LRRC69: variants seen among roughly 807,000 people sequenced by gnomAD.
LRRC69 encodes the protein leucine-rich repeat-containing protein 69.
Under a neutral mutation model 37.8 loss-of-function variants are expected in LRRC69, and 42 were observed. The observed-to-expected ratio is 1.11, with a 90% CI of 0.87 to 1.44. LRRC69 has a LOEUF of 1.44. Ranked by LOEUF, LRRC69 falls within the 40% of genes most tolerant of loss-of-function variation. LRRC69 has a pLI of 0.00. For missense variants in LRRC69, 357 were observed against 401.9 expected, an observed-to-expected ratio of 0.89 and a Z score of 0.96; for synonymous variants, 141 against 143.1, an observed-to-expected ratio of 0.99 and a Z score of 0.11.
intron 7 of LRRC69, among the ~76,000 whole-genome samples, chr8:91,202,673 A>G (rs1809732046): frequency 6.6e-6 from 1 of 152,222 alleles, no homozygotes; most frequent in Non-Finnish European, 1.5e-5. Context: ...TTAATTGACT[A>G]GGAGAGTTGA....
At chr8:91,160,601 C>T (rs1184073800) in intron 5 of LRRC69, among the ~76,000 whole-genome samples, 2 of 151,118 alleles carry the variant, frequency 1.3e-5, no homozygotes, top group Non-Finnish European at 3.0e-5. Context: ...CAGCACTTCC[C>T]CCTTCTCTCT....
At chr8:91,178,031 G>A (rs922104408) in intron 5 of LRRC69, among the ~76,000 whole-genome samples, 1 of 151,852 alleles carries the variant, frequency 6.6e-6, no homozygotes, top group Non-Finnish European at 1.5e-5. Flanking sequence ...TGTGTTTTTA[G>A]TAGAGACGGG....
At chr8:91,197,416 C>G (rs4273818) in intron 6 of LRRC69, among the ~76,000 whole-genome samples, 104,200 of 152,052 alleles carry the variant, frequency 0.69, 36,224 homozygotes, top group African/African-American at 0.76. Flanking sequence ...TCAAGCCTGG[C>G]CAATGGCGGG....
chr8:91,179,191 C>T (rs916954397), intron 5 of LRRC69, among the ~76,000 whole-genome samples: 8 of 152,062 alleles, frequency 5.3e-5, no homozygotes, highest in African/African-American at 1.4e-4. Flanking sequence ...TAAAGAAAAG[C>T]GGTTTTATTG....
At chr8:91,202,076 G>A (rs144403159) in intron 7 of LRRC69, among the ~76,000 whole-genome samples, 6 of 152,050 alleles carry the variant, frequency 3.9e-5, no homozygotes, top group Non-Finnish European at 8.8e-5. Flanking sequence ...TGTGGTGATG[G>A]GCGCCTGTAA....
rs374399862 is a variant in LRRC69, at chr8:91,103,953, C to CA, written c.183+1114dup. Among the ~76,000 whole-genome samples, 668 of 152,030 alleles carry CA rather than the reference C, an allele frequency of 4.4e-3. 5 individuals carry two copies. Among genetic ancestry groups the CA allele is most frequent in the Admixed American group, 7.5e-3 (115 of 15,262 alleles). ...ATTGGTTACCGAGAATTAAATATTA[C>CA]AAAAAGCTTATAGCAAGAAGCTATC... On this transcript the variant is annotated intron_variant, in intron 1 of 7. Coordinates refer to ENST00000448384, the Ensembl canonical transcript of LRRC69.
chr8:91,118,146 G>C (rs1813546738), intron 1 of LRRC69: 6 of 455,340 alleles, frequency 1.3e-5, no homozygotes, highest in South Asian at 9.3e-5. Flanking sequence ...ATTACTGGGT[G>C]TGCTCATGGG....
At chr8:91,192,714 T>C (rs1809521719) in intron 6 of LRRC69, among the ~76,000 whole-genome samples, 1 of 152,088 alleles carries the variant, frequency 6.6e-6, no homozygotes, top group African/African-American at 2.4e-5. Flanking sequence ...TCTTGTAAAT[T>C]TGTTTGAGTT....
At chr8:91,158,012 G>A (rs1808867236) in intron 5 of LRRC69, 1 of 1,319,512 alleles carries the variant, frequency 7.6e-7, no homozygotes, top group South Asian at 1.2e-5. Flanking sequence ...ACAACTTCAT[G>A]CAGATGTTGG....
chr8:91,155,201 G>T (rs1187998591), intron 5 of LRRC69, among the ~76,000 whole-genome samples: 1 of 149,246 alleles, frequency 6.7e-6, no homozygotes, highest in Admixed American at 6.7e-5. Context: ...AGAACCATTT[G>T]TCTATTATTT....
At chr8:91,152,258 G>T (rs1262005576) in intron 5 of LRRC69, among the ~76,000 whole-genome samples, 1 of 151,366 alleles carries the variant, frequency 6.6e-6, no homozygotes, top group African/African-American at 2.4e-5. Context: ...GGGTTTTTAT[G>T]GTTTTTGGTT....
intron 6 of LRRC69, among the ~76,000 whole-genome samples, chr8:91,196,762 G>C (rs911359317): frequency 6.6e-6 from 1 of 150,870 alleles, no homozygotes; most frequent in African/African-American, 2.4e-5. Context: ...TTTTTTCAAA[G>C]TTTTCAACTT....
chr8:91,131,701 T>A (rs10102397), intron 3 of LRRC69, among the ~76,000 whole-genome samples: 7,733 of 152,084 alleles, frequency 0.051, 247 homozygotes, highest in African/African-American at 0.075. Context: ...ATAGATTTTT[T>A]AAATATTGAC....
At chr8:91,199,466 G>A (rs574784825) in intron 6 of LRRC69, among the ~76,000 whole-genome samples, 1 of 152,172 alleles carries the variant, frequency 6.6e-6, no homozygotes, top group Admixed American at 6.5e-5. Flanking sequence ...AATGGACACA[G>A]CAATTTATAA....
intron 5 of LRRC69, among the ~76,000 whole-genome samples, chr8:91,180,363 G>A (rs867947603): frequency 9.2e-5 from 14 of 152,184 alleles, no homozygotes; most frequent in African/African-American, 3.4e-4. Flanking sequence ...TCTCAACAGA[G>A]CTACCTGAAT....
chr8:91,189,303 C>T (rs1048312012), intron 5 of LRRC69, among the ~76,000 whole-genome samples: 2 of 152,126 alleles, frequency 1.3e-5, no homozygotes, highest in African/African-American at 4.8e-5. Context: ...AAGGTCATGG[C>T]CATTCATGCC....
rs1280194634 is a variant in LRRC69 at position 91,200,612 on chromosome 8, G to T, written c.754-1G>T. 2 of 1,425,850 alleles carry T rather than the reference G, an allele frequency of 1.4e-6. No homozygotes were observed. Among genetic ancestry groups the T allele is most frequent in the Non-Finnish European group, 1.8e-6 (2 of 1,088,020 alleles). The allele number at this position is 1,425,850 out of a possible 1,614,324, so 88.3% of individuals were successfully genotyped here. On this transcript the variant is annotated splice_acceptor_variant, in intron 6 of 7. Transcript: ENST00000448384. LOFTEE classifies it high-confidence loss of function. Reference sequence around the variant, plus strand: ...GAACTGTATTTTTTTTTTCAATTTAGGAAATAACATCAAGATTTGTAATGA... The same window carrying T: ...GAACTGTATTTTTTTTTTCAATTTATGAAATAACATCAAGATTTGTAATGA...
intron 5 of LRRC69, among the ~76,000 whole-genome samples, chr8:91,171,041 A>C (rs912223778): frequency 7.3e-5 from 11 of 151,318 alleles, no homozygotes; most frequent in African/African-American, 9.7e-5. Context: ...CAATGAACTC[A>C]AACAAATTTA....
chr8:91,160,720 G>T (rs1051512177), intron 5 of LRRC69, among the ~76,000 whole-genome samples: 11 of 151,246 alleles, frequency 7.3e-5, no homozygotes, highest in African/African-American at 2.7e-4. Context: ...GTGGAACCAT[G>T]AGTCAATTAA....
Sources: allele counts gnomAD v4.1 joint callset (sites outside exome capture counted in the v4.1 genomes callset), GRCh38; gene constraint gnomAD v4.1.1; transcripts MANE v1.5; gene names NCBI Gene and HGNC (gene_info 2026-07-23, HGNC 2026-07-21).